The following KLF12 variants were observed in gnomAD, a reference collection of about 807,000 sequenced individuals.
KLF12 encodes the protein Krueppel-like factor 12.
In KLF12, 9 loss-of-function variants were observed where a neutral mutation model predicts 37.8. The observed-to-expected ratio is 0.24, with a 90% CI of 0.14 to 0.42. The LOEUF (loss-of-function observed/expected upper bound fraction) is 0.42. Among genes scored for constraint, KLF12 ranks in the 10% least tolerant of loss-of-function variants. KLF12 has a pLI of 1.00. For missense variants in KLF12, 411 were observed against 516.0 expected (o/e 0.80, Z 1.97); for synonymous variants, 208 against 202.1 (o/e 1.03, Z -0.25).
intron 3 of KLF12, among the ~76,000 whole-genome samples, chr13:73,906,778 C>A (rs1224127264): frequency 6.6e-6 from 1 of 152,156 alleles, no homozygotes; most frequent in African/African-American, 2.4e-5. Context: ...TGGAAACATA[C>A]AATATGGATT....
chr13:74,060,504 G>GTGTGTC (rs1555336680), intron 1 of KLF12, among the ~76,000 whole-genome samples: 8 of 150,682 alleles, frequency 5.3e-5, no homozygotes, highest in African/African-American at 1.5e-4. Context: ...GTGTGTGTGT[G>GTGTGTC]TGTGTGTGTG....
chr13:73,714,955 G>C (rs1875686974), intron 7 of KLF12, among the ~76,000 whole-genome samples: 1 of 152,044 alleles, frequency 6.6e-6, no homozygotes, highest in African/African-American at 2.4e-5. Context: ...TTTTTCAGTT[G>C]TTTACCTATT....
At chr13:73,860,292 C>T (rs185606433) in intron 3 of KLF12, among the ~76,000 whole-genome samples, 3 of 152,314 alleles carry the variant, frequency 2.0e-5, no homozygotes, top group East Asian at 1.9e-4. Flanking sequence ...TCTTACGAGG[C>T]GGCCATGGGC....
chr13:74,060,732 C>G (rs533480591), intron 1 of KLF12, among the ~76,000 whole-genome samples: 1 of 152,192 alleles, frequency 6.6e-6, no homozygotes, highest in South Asian at 2.1e-4. Context: ...AATTTTACTT[C>G]CTCTTTTCCA....
chr13:73,897,068 A>G (rs976018786), intron 3 of KLF12, among the ~76,000 whole-genome samples: 14 of 151,604 alleles, frequency 9.2e-5, no homozygotes, highest in Admixed American at 9.2e-4. Flanking sequence ...ATTTACATAC[A>G]CCCATACTTA....
chr13:74,200,055 A>C, the KLF12 span, among the ~76,000 whole-genome samples: 1 of 152,176 alleles, frequency 6.6e-6, no homozygotes, highest in Non-Finnish European at 1.5e-5. Context: ...CTTCCCACTC[A>C]AGGAGATCAC....
At chr13:73,910,580 T>TA (rs1888520901) in intron 3 of KLF12, among the ~76,000 whole-genome samples, 1 of 151,870 alleles carries the variant, frequency 6.6e-6, no homozygotes, top group Admixed American at 6.6e-5. Context: ...TTAAGAGGGG[T>TA]AGGAGAGAGA....
At chr13:74,044,231 C>G (rs1407083216) in intron 1 of KLF12, among the ~76,000 whole-genome samples, 1 of 152,184 alleles carries the variant, frequency 6.6e-6, no homozygotes, top group Non-Finnish European at 1.5e-5. Flanking sequence ...TCTTCCTTCA[C>G]TAGCACTGTC....
At chr13:74,153,469 T>C in the KLF12 span, among the ~76,000 whole-genome samples, 1 of 152,194 alleles carries the variant, frequency 6.6e-6, no homozygotes, top group Non-Finnish European at 1.5e-5. Context: ...GAACATGTGC[T>C]ATATCTATGC....
intron 1 of KLF12, among the ~76,000 whole-genome samples, chr13:74,032,005 A>G (rs557224187): frequency 2.0e-5 from 3 of 152,286 alleles, no homozygotes; most frequent in African/African-American, 7.2e-5. Context: ...AGGCTACACC[A>G]TGTCCAAAGC....
At chr13:74,260,614 AAAAT>A in the KLF12 span, among the ~76,000 whole-genome samples, 1 of 114,410 alleles carries the variant, frequency 8.7e-6, no homozygotes, top group African/African-American at 5.5e-5. Flanking sequence ...AAAATAAAAT[AAAAT>A]AAAATAAAAT....
intron 1 of KLF12, among the ~76,000 whole-genome samples, chr13:74,046,061 TATCA>T (rs1893535033): frequency 6.6e-6 from 1 of 152,242 alleles, no homozygotes; most frequent in Admixed American, 6.5e-5. Context: ...CTCTTGTTCC[TATCA>T]ATCAGTCTAT....
At chr13:73,829,462 T>C (rs1360704717) in intron 4 of KLF12, among the ~76,000 whole-genome samples, 1 of 152,174 alleles carries the variant, frequency 6.6e-6, no homozygotes, top group Non-Finnish European at 1.5e-5. Context: ...AGTCAACTAG[T>C]TTCATTTGGT....
chr13:74,230,950 T>C, the KLF12 span, among the ~76,000 whole-genome samples: 1 of 152,196 alleles, frequency 6.6e-6, no homozygotes, highest in African/African-American at 2.4e-5. Flanking sequence ...TTTTGCTGTG[T>C]TAAATCCAAA....
intron 2 of KLF12, among the ~76,000 whole-genome samples, chr13:73,987,779 GAGA>G (rs1244159634): frequency 7.5e-6 from 1 of 133,142 alleles, no homozygotes; most frequent in Non-Finnish European, 1.6e-5. Flanking sequence ...GGAGAGGGGA[GAGA>G]AGAAGTGGGA....
chr13:74,294,975 G>C, the KLF12 span, among the ~76,000 whole-genome samples: 1 of 152,136 alleles, frequency 6.6e-6, no homozygotes, highest in African/African-American at 2.4e-5. Context: ...GGCTCCCCTT[G>C]CTTAAAATAG....
chr13:74,040,439 C>A (rs1893370991), intron 1 of KLF12, among the ~76,000 whole-genome samples: 1 of 152,164 alleles, frequency 6.6e-6, no homozygotes, highest in African/African-American at 2.4e-5. Flanking sequence ...CCATCTGCAG[C>A]CCCGGCCTGG....
At chr13:74,224,826 A>G in the KLF12 span, among the ~76,000 whole-genome samples, 1 of 152,202 alleles carries the variant, frequency 6.6e-6, no homozygotes, top group Non-Finnish European at 1.5e-5. Context: ...CCAAAATGTC[A>G]ATTTAACTTC....
chr13:73,944,053 C>T lies in KLF12; in HGVS notation c.51G>A (p.Glu17=), dbSNP rs1340755515. The T allele has an allele frequency of 1.2e-6, 2 of 1,609,388 alleles. No homozygotes were observed. The highest frequency in any genetic ancestry group is 1.7e-6 in the Non-Finnish European group (2 of 1,176,766). Residue 17 remains glutamate, a synonymous_variant, in exon 3 of 8, where the codon GAG becomes GAA. Coordinates refer to ENST00000377669, the MANE Select transcript of KLF12 (RefSeq NM_007249.5). ...TCCCATCAAGCATTAACATTCTGTT[C>T]TCAAAGGTGTTGATATTCTGAGAAT...
Sources: allele counts gnomAD v4.1 joint callset (sites outside exome capture counted in the v4.1 genomes callset), GRCh38; gene constraint gnomAD v4.1.1; transcripts MANE v1.5; gene names NCBI Gene and HGNC (gene_info 2026-07-23, HGNC 2026-07-21).